GNE: variants seen among roughly 807,000 people sequenced by gnomAD.
The protein encoded by GNE is bifunctional UDP-N-acetylglucosamine 2-epimerase/N-acetylmannosamine kinase.
GNE carries 41 observed loss-of-function variants against 61.8 expected under a neutral mutation model. That is an observed-to-expected ratio of 0.66 (90% CI 0.52 to 0.86). GNE has a LOEUF of 0.86. GNE is among the 40% of genes least tolerant of loss of function. The pLI, the probability that GNE is intolerant of heterozygous loss-of-function variation, is 0.00. For synonymous variants in GNE, 264 were observed against 326.4 expected (o/e 0.81, Z 2.06); for missense variants, 608 against 909.1 (o/e 0.67, Z 4.26).
Position 36,217,327 on chromosome 9 carries a change from G to A in GNE, c.*38C>T. 1.5e-6 allele frequency: 2 copies of A among 1,333,846 alleles called. No individual in the cohort carries two copies. Among genetic ancestry groups the A allele is most frequent in the Admixed American group, 3.5e-5 (2 of 57,440 alleles). The allele number at this position is 1,333,846 out of a possible 1,614,324, so 82.6% of individuals were successfully genotyped here. On this transcript the variant is annotated 3_prime_UTR_variant, in exon 12 of 12. Transcript: ENST00000642385. ...AAGACAAGAACTTGATTCCACTCAG[G>A]AGCTCTGGAGAGAAGGTCCATGTCT...
At chr9:36,271,200 C>T (rs552548573) in intron 1 of GNE, among the ~76,000 whole-genome samples, 3 of 152,288 alleles carry the variant, frequency 2.0e-5, no homozygotes, top group East Asian at 3.9e-4. Context: ...AGAGTTCTTT[C>T]TCTACCTTTG....
Position 36,249,076 on chromosome 9 carries a change from C to T in GNE, c.164+116G>A, listed in dbSNP as rs149265716. The T allele has an allele frequency of 8.5e-4, 683 of 801,932 alleles. 1 individual carries two copies. The African/African-American group carries it at 9.2e-3, about 11-fold the overall frequency. 49.7% of individuals were successfully genotyped at this position (801,932 alleles called of 1,614,324 possible). A position where few individuals can be genotyped will look rare whatever the true frequency, so the allele number is the denominator to read the frequency against. On this transcript the variant is annotated intron_variant, in intron 2 of 11. Coordinates refer to ENST00000642385, the MANE Select transcript of GNE (RefSeq NM_005476.7). The stretch of plus-strand genomic sequence containing the variant: ...AGATGCTAAGTGACTACTCTAAGGC[C>T]ACATAAAAACTAAGCAGCAGAACAG...
chr9:36,230,660 CTTT>C (rs879665160), intron 5 of GNE, among the ~76,000 whole-genome samples: 5 of 139,142 alleles, frequency 3.6e-5, no homozygotes, highest in South Asian at 2.3e-4. Context: ...ATATCACTAT[CTTT>C]TTTTTTTTTT....
chr9:36,245,020 G>A (rs898248956), intron 3 of GNE, among the ~76,000 whole-genome samples: 2 of 151,762 alleles, frequency 1.3e-5, no homozygotes, highest in Non-Finnish European at 1.5e-5. Flanking sequence ...GCTCACGCTT[G>A]TAATCCCAGC....
chr9:36,261,780 G>A (rs1830625240), upstream of GNE, among the ~76,000 whole-genome samples: 1 of 151,782 alleles, frequency 6.6e-6, no homozygotes, highest in South Asian at 2.1e-4. Flanking sequence ...AAAATTAGCC[G>A]AGTGTGGTGG....
Position 36,218,090 on chromosome 9 carries a change from C to A in GNE, c.1933+93G>T. The stretch of plus-strand genomic sequence containing the variant: ...AACAGACACTGCAAAGCACCTGTCC[C>A]TAGGGAAGCAGGGTCTCTTCTGGGG... On this transcript the variant is annotated intron_variant, in intron 11 of 11. Transcript: ENST00000642385. This position sits in a 1 kb window ranked among gnomAD's most constrained non-coding sequence, Gnocchi z 4.1. 8 of 851,524 alleles carry A rather than the reference C, an allele frequency of 9.4e-6. No individual in the cohort carries two copies. In the South Asian group the frequency reaches 1.1e-4, roughly 11 times the overall value. The allele number at this position is 851,524 out of a possible 1,614,324, so 52.7% of individuals were successfully genotyped here. A position where few individuals can be genotyped will look rare whatever the true frequency, so the allele number is the denominator to read the frequency against.
rs982936794 is a variant in GNE at position 36,227,398 on chromosome 9, GA to G, written c.1130del (p.Ile377ThrfsTer16). The stretch of plus-strand genomic sequence containing the variant: ...TCTTTTGCAGTGGCTCTTGAAGATC[GA>G]TAGATTTGAGAAACTTCAAAATCCT... ...VPRILKFLKS[I>X]DLQEPLQKKF... On this transcript the variant is annotated frameshift_variant, in exon 7 of 12. Coordinates refer to ENST00000642385, the MANE Select transcript of GNE (RefSeq NM_005476.7). LOFTEE classifies it high-confidence loss of function. 4 of 1,612,176 alleles carry G rather than the reference GA, an allele frequency of 2.5e-6. No individual in the cohort carries two copies. Among genetic ancestry groups the G allele is most frequent in the Non-Finnish European group, 2.5e-6 (3 of 1,178,398 alleles).
At chr9:36,224,332 G>C (rs1828756932) in intron 7 of GNE, among the ~76,000 whole-genome samples, 1 of 152,074 alleles carries the variant, frequency 6.6e-6, no homozygotes, top group Non-Finnish European at 1.5e-5. Flanking sequence ...TACTTGGGAG[G>C]CTAAGCTGGG....
At chr9:36,262,892 ATT>A (rs1364007367), upstream of GNE, among the ~76,000 whole-genome samples, 1 of 152,196 alleles carries the variant, frequency 6.6e-6, no homozygotes, top group Admixed American at 6.6e-5. Context: ...TAGCCTAAAC[ATT>A]TCTAAACTAA....
chr9:36,268,537 T>C (rs1160456547), intron 1 of GNE, among the ~76,000 whole-genome samples: 1 of 151,766 alleles, frequency 6.6e-6, no homozygotes, highest in Non-Finnish European at 1.5e-5. Context: ...TATCGTGGCA[T>C]GCACCTGGAG....
At chr9:36,267,102 A>G (rs1005137129) in intron 1 of GNE, among the ~76,000 whole-genome samples, 10 of 152,234 alleles carry the variant, frequency 6.6e-5, no homozygotes, top group Non-Finnish European at 1.2e-4. Context: ...ATAATTCAGC[A>G]ATATCCTAAA....
chr9:36,231,091 A>AAGAG (rs749133221), intron 5 of GNE, among the ~76,000 whole-genome samples: 1 of 135,916 alleles, frequency 7.4e-6, no homozygotes, highest in South Asian at 2.3e-4. Context: ...AAAAGAAAGA[A>AAGAG]AGAGAGAGAG....
At chr9:36,247,993 T>C (rs1829960599) in intron 2 of GNE, among the ~76,000 whole-genome samples, 1 of 125,642 alleles carries the variant, frequency 8.0e-6, no homozygotes, top group Non-Finnish European at 1.6e-5. Context: ...GCCACTGCAC[T>C]CCAGCCTGGG....
rs185464273 is a variant in GNE, at chr9:36,236,021, G to A, written c.769+811C>T. ...CCATCCACTGGTAAGCAAGTGATCA[G>A]CCAGGGCAGGCTTGAGGATGAACCG... On this transcript the variant is annotated intron_variant, in intron 4 of 11. Coordinates refer to ENST00000642385, the MANE Select transcript of GNE (RefSeq NM_005476.7). Among the ~76,000 whole-genome samples, 238 of 152,356 alleles carry A rather than the reference G, an allele frequency of 1.6e-3. 1 individual carries two copies. The highest frequency in any genetic ancestry group is 5.6e-3 in the African/African-American group (231 of 41,592).
chr9:36,222,687 TA>T, intron 9 of GNE, 89 bp downstream of exon 9: 1 of 921,306 alleles, frequency 1.1e-6, no homozygotes, highest in Non-Finnish European at 1.8e-6. Flanking sequence ...AAGTGAAGGC[TA>T]AGGCAGAGTT....
rs767972427 is a variant in GNE at position 36,218,118 on chromosome 9, G to A, written c.1933+65C>T. ...GGGAAGCAGGGTCTCTTCTGGGGCC[G>A]GGCTGGGCCATATGATATCTGAGGC... On this transcript the variant is annotated intron_variant, in intron 11 of 11. Coordinates refer to ENST00000642385, the MANE Select transcript of GNE (RefSeq NM_005476.7). The surrounding 1 kb of genome is among the most constrained non-coding windows in gnomAD (Gnocchi z 4.1). The A allele has an allele frequency of 1.2e-5, 13 of 1,062,242 alleles. No individual in the cohort carries two copies. The highest frequency in any genetic ancestry group is 2.4e-5 in the East Asian group (1 of 42,482). The allele number at this position is 1,062,242 out of a possible 1,614,324, so 65.8% of individuals were successfully genotyped here.
chr9:36,246,767 C>T (rs947676609), intron 2 of GNE, among the ~76,000 whole-genome samples: 3 of 147,084 alleles, frequency 2.0e-5, no homozygotes, highest in South Asian at 4.4e-4. Flanking sequence ...CTCCCGGGTT[C>T]AAGCGATTCT....
At chr9:36,242,811 C>A (rs1014080048) in intron 3 of GNE, among the ~76,000 whole-genome samples, 1 of 141,586 alleles carries the variant, frequency 7.1e-6, no homozygotes, top group African/African-American at 2.6e-5. Flanking sequence ...GTGGTGCAAT[C>A]TCGGCTCACA....
Position 36,238,275 on chromosome 9 carries a change from C to T in GNE, c.617-1291G>A, listed in dbSNP as rs183005747. Among the ~76,000 whole-genome samples, 1,171 of 152,242 alleles carry T rather than the reference C, an allele frequency of 7.7e-3. 8 individuals carry two copies. Among genetic ancestry groups the T allele is most frequent in the Admixed American group, 0.013 (206 of 15,290 alleles). ...TGCAAGTATCTTTTTCAAATAATGA[C>T]TTCTTTTCCTCTGGGTAGATACCCA... is the stretch of plus-strand genomic sequence containing the variant. On this transcript the variant is annotated intron_variant, in intron 3 of 11. Transcript: ENST00000642385.
Sources: gnomAD v4.1 joint callset for allele counts (sites outside exome capture counted in the v4.1 genomes callset) on GRCh38, gnomAD v4.1.1 for gene constraint, Gnocchi (gnomAD v3.1) non-coding constraint, MANE v1.5 for transcripts, NCBI Gene and HGNC (gene_info 2026-07-23, HGNC 2026-07-21) for gene names.